Variants in AP2A1 observed in about 807,000 individuals in gnomAD.
AP2A1 encodes the protein AP-2 complex subunit alpha-1.
In AP2A1, 21 loss-of-function variants were observed where a neutral mutation model predicts 107.3. The observed-to-expected ratio is 0.20, with a 90% confidence interval of 0.14 to 0.28. AP2A1 has a LOEUF of 0.28. Ranked by LOEUF, AP2A1 falls within the 10% of genes least tolerant of loss-of-function variation. The pLI is 1.00. For synonymous variants in AP2A1, 602 were observed against 564.8 expected (o/e 1.07, Z -0.93); for missense variants, 873 against 1,307.7 (o/e 0.67, Z 5.13).
chr19:49,806,178 G>T lies in AP2A1; in HGVS notation c.2715G>T (p.Val905=). The T allele has an allele frequency of 6.3e-6, 10 of 1,592,286 alleles. No homozygotes were observed. The highest frequency in any genetic ancestry group is 7.7e-6 in the Non-Finnish European group (9 of 1,169,984). The part of the protein sequence containing the change: ...DNVDPNPENF[V]GAGIIQTKAL... The stretch of plus-strand genomic sequence containing the variant: ...TGGACCCCAACCCTGAGAACTTCGT[G>T]GGGGCGGGGATCATCCAGACTAAAG... Residue 905 remains valine, a synonymous_variant, in exon 22 of 23, where the codon GTG becomes GTT. Transcript: ENST00000354293.
At chr19:49,802,292 C>T (rs778553352) in intron 15 of AP2A1, 151 bp downstream of exon 15, 7 of 842,026 alleles carry the variant, frequency 8.3e-6, no homozygotes, top group South Asian at 2.9e-5. Flanking sequence ...GCTGCTGCCT[C>T]CCCTGCCCCA....
intron 7 of AP2A1, 87 bp from the exon 8 acceptor site, chr19:49,798,715 G>A: frequency 6.7e-7 from 1 of 1,494,898 alleles, no homozygotes; most frequent in Non-Finnish European, 8.9e-7. Context: ...TCCTTTGGAA[G>A]ACAGGAGCTG....
chr19:49,786,236 A>T (rs2123704216), intron 4 of AP2A1, among the ~76,000 whole-genome samples: 1 of 152,320 alleles, frequency 6.6e-6, no homozygotes, highest in East Asian at 1.9e-4. Context: ...GTCTAAAAAA[A>T]ATATAATGCA....
intron 2 of AP2A1, 28 bp from the exon 3 acceptor site, chr19:49,781,919 C>T: frequency 6.2e-7 from 1 of 1,610,598 alleles, no homozygotes; most frequent in South Asian, 1.1e-5. Flanking sequence ...TTATTTCTGG[C>T]TCCCCTTTCC....
At chr19:49,795,582 G>GCCCCCCCCCCCCCC in intron 6 of AP2A1, 48 bp from the exon 7 acceptor site, 1 of 692,050 alleles carries the variant, frequency 1.4e-6, no homozygotes, top group Non-Finnish European at 2.7e-6. Context: ...GGACCCACGT[G>GCCCCCCCCCCCCCC]CCCCTCCCAC....
chr19:49,800,792 G>C, intron 11 of AP2A1, 169 bp from the exon 12 acceptor site: 3 of 562,090 alleles, frequency 5.3e-6, no homozygotes, highest in Non-Finnish European at 9.4e-6. Context: ...TTTACTTCCT[G>C]TGTGAGCTTG....
In AP2A1 at chr19:49,801,527, G is replaced by A. The variant is rs750709484; in HGVS notation, c.1691G>A (p.Arg564Gln). Residue 564 changes from arginine to glutamine, a missense_variant, in exon 13 of 23, where the codon CGG (arginine) becomes CAG (glutamine). Coordinates refer to ENST00000354293, the MANE Select transcript of AP2A1 (RefSeq NM_130787.3). ...AAGGCCACCATCCAGGGCGTCCTGCGGGCCGGCTCCCAGCTGCGCAATGCT... is the reference window on the plus strand; with the variant it reads ...AAGGCCACCATCCAGGGCGTCCTGCAGGCCGGCTCCCAGCTGCGCAATGCT... ...ETKATIQGVL[R>Q]AGSQLRNADV... 4 of 1,613,438 alleles carry A rather than the reference G, an allele frequency of 2.5e-6. No homozygotes were observed. The South Asian group carries it at 3.3e-5, about 13-fold the overall frequency.
intron 4 of AP2A1, among the ~76,000 whole-genome samples, chr19:49,789,621 GT>G (rs2073117867): frequency 2.8e-5 from 4 of 141,060 alleles, no homozygotes; most frequent in African/African-American, 1.1e-4. Flanking sequence ...TAGAGACAGG[GT>G]TTTACCACGT....
At chr19:49,806,582 T>C in intron 22 of AP2A1, 99 bp from the exon 23 acceptor site, 1 of 1,554,332 alleles carries the variant, frequency 6.4e-7, no homozygotes, top group Non-Finnish European at 8.7e-7. Flanking sequence ...GTATCACCTT[T>C]CTGGCCCCTT....
intron 22 of AP2A1, 183 bp downstream of exon 22, chr19:49,806,436 T>C (rs1156230820): frequency 7.0e-7 from 1 of 1,435,650 alleles, no homozygotes; most frequent in Non-Finnish European, 9.1e-7. Flanking sequence ...CAACCTCTGG[T>C]GTTCCTCTCC....
intron 5 of AP2A1, among the ~76,000 whole-genome samples, chr19:49,792,723 A>G (rs2073162181): frequency 1.3e-5 from 2 of 152,036 alleles, no homozygotes; most frequent in African/African-American, 4.8e-5. Context: ...CCAACCCTCT[A>G]GAGTCTCGCC....
At position 49,782,386 on chromosome 19, in the gene AP2A1, T is replaced by C. The variant is rs1213081723; in HGVS notation, c.280-145T>C. 64 of 863,552 alleles carry C rather than the reference T, an allele frequency of 7.4e-5. No homozygotes were observed. The East Asian group carries it at 1.7e-3, about 23-fold the overall frequency. The allele number at this position is 863,552 out of a possible 1,614,324, so 53.5% of individuals were successfully genotyped here. A position where few individuals can be genotyped will look rare whatever the true frequency, so the allele number is the denominator to read the frequency against. The stretch of plus-strand genomic sequence containing the variant: ...GAGGAGGGGCCTGGGGGCCTGGACT[T>C]GTGGGTCTGAGGGAGGAGGGGCCTG... On this transcript the variant is annotated intron_variant, in intron 3 of 22. Transcript: ENST00000354293.
chr19:49,806,911 T>C lies in AP2A1; in HGVS notation c.*153T>C. ...TTCCTCCGGCCTTTTGTATTTTTATTTTTGTTCATCTGCTGCTGTTTACAT... is the reference window on the plus strand; with the variant it reads ...TTCCTCCGGCCTTTTGTATTTTTATCTTTGTTCATCTGCTGCTGTTTACAT... On this transcript the variant is annotated 3_prime_UTR_variant, in exon 23 of 23. Transcript: ENST00000354293. 3 of 1,536,990 alleles carry C rather than the reference T, an allele frequency of 2.0e-6. No homozygotes were observed. The highest frequency in any genetic ancestry group is 2.6e-6 in the Non-Finnish European group (3 of 1,147,212).
At chr19:49,802,724 G>A (rs1175556508) in intron 15 of AP2A1, 1 of 1,135,930 alleles carries the variant, frequency 8.8e-7, no homozygotes, top group South Asian at 1.6e-5. Flanking sequence ...GGGACTTGGA[G>A]GAAAGGGAAA....
Position 49,805,551 on chromosome 19 carries a change from C to T in AP2A1, c.2443C>T (p.Pro815Ser), listed in dbSNP as rs2073358420. The T allele has an allele frequency of 6.3e-7, 1 of 1,577,622 alleles. No individual in the cohort carries two copies. Among genetic ancestry groups the T allele is most frequent in the South Asian group, 1.2e-5 (1 of 86,380 alleles). Reference protein sequence around the residue: ...NIECLRDFLTPPLLSVRFRYG... With the variant: ...NIECLRDFLTSPLLSVRFRYG... ...CGAGTGCCTGCGGGACTTCCTGACG[C>T]CCCCGCTGCTGTCCGTGCGCTTCCG... is the stretch of plus-strand genomic sequence containing the variant. Residue 815 changes from proline to serine, a missense_variant, in exon 19 of 23, where the codon CCC becomes TCC. By Grantham distance (74) the Pro-to-Ser change is moderately conservative. Transcript: ENST00000354293.
rs1208089246 is a variant in AP2A1, at chr19:49,806,851, G to C, written c.*93G>C. ...GGATGGGGGACCTCCACTGGTGACA[G>C]AGAAGACACCAGGGTTTGGGGGATG... On this transcript the variant is annotated 3_prime_UTR_variant, in exon 23 of 23. Transcript: ENST00000354293. The C allele has an allele frequency of 4.4e-6, 7 of 1,590,356 alleles. No homozygotes were observed. Among genetic ancestry groups the C allele is most frequent in the African/African-American group, 1.3e-5 (1 of 74,144 alleles).
At chr19:49,802,375 C>T in intron 15 of AP2A1, 1 of 906,860 alleles carries the variant, frequency 1.1e-6, no homozygotes, top group Non-Finnish European at 1.7e-6. Context: ...TGTCTCCTTT[C>T]CTGTCACCGT....
chr19:49,782,580 G>A lies in AP2A1; in HGVS notation c.329G>A (p.Arg110His), dbSNP rs774740971. The change falls in exon 4 of 23, where the codon CGC becomes CAC. Residue 110 changes from arginine to histidine, a missense_variant. Arg to His is a conservative substitution (Grantham distance 29, BLOSUM62 0). Transcript: ENST00000354293. The part of the protein sequence containing the change: ...VLVNSNSELI[R>H]LINNAIKNDL... ...GTGAACTCGAACTCGGAGCTGATCC[G>A]CCTCATCAACAACGCCATCAAGAAT... The A allele has an allele frequency of 9.3e-6, 15 of 1,613,744 alleles. No homozygotes were observed. Among genetic ancestry groups the A allele is most frequent in the Middle Eastern group, 1.6e-4 (1 of 6,082 alleles).
At chr19:49,792,569 C>T (rs112527770) in intron 5 of AP2A1, among the ~76,000 whole-genome samples, 133 of 151,986 alleles carry the variant, frequency 8.8e-4, no homozygotes, top group Non-Finnish European at 1.5e-3. Flanking sequence ...GGCCAGGGAT[C>T]CTGTCCAGTG....
Sources: gnomAD v4.1 joint callset for allele counts (sites outside exome capture counted in the v4.1 genomes callset) on GRCh38, gnomAD v4.1.1 for gene constraint, MANE v1.5 for transcripts, NCBI Gene and HGNC (gene_info 2026-07-23, HGNC 2026-07-21) for gene names.